Variants in IL2RB observed in about 807,000 individuals in gnomAD.
IL2RB encodes interleukin 2 receptor subunit beta, also known as interleukin-2 receptor subunit beta.
IL2RB carries 17 observed loss-of-function variants against 44.2 expected under a neutral mutation model. The ratio of observed to expected loss-of-function variants is 0.38; its 90% CI spans 0.26 to 0.58. The LOEUF (loss-of-function observed/expected upper bound fraction) is 0.58. Ranked by LOEUF, IL2RB falls within the 20% of genes least tolerant of loss-of-function variation. IL2RB has a pLI of 0.63. For synonymous variants in IL2RB, 286 were observed against 297.9 expected, an observed-to-expected ratio of 0.96 and a Z score of 0.41; for missense variants, 624 against 685.5, an observed-to-expected ratio of 0.91 and a Z score of 1.00.
At chr22:37,139,943 G>T (rs1921884773) in intron 4 of IL2RB, among the ~76,000 whole-genome samples, 1 of 152,244 alleles carries the variant, frequency 6.6e-6, no homozygotes, top group Non-Finnish European at 1.5e-5. Context: ...CCCCTACAGG[G>T]TGACTGCATC....
chr22:37,137,229 T>C (rs1206265741), intron 6 of IL2RB, among the ~76,000 whole-genome samples: 1 of 152,200 alleles, frequency 6.6e-6, no homozygotes, highest in Admixed American at 6.5e-5. Context: ...TGTAAGTGAA[T>C]GAATAAGCAA....
chr22:37,149,061 C>T (rs1233294263), intron 1 of IL2RB, among the ~76,000 whole-genome samples: 1 of 152,112 alleles, frequency 6.6e-6, no homozygotes, highest in Non-Finnish European at 1.5e-5. Context: ...GGAAGGGGAC[C>T]CTTGGGGATA....
At chr22:37,155,122 AG>A (rs1922633488) in intron 1 of IL2RB, among the ~76,000 whole-genome samples, 1 of 152,064 alleles carries the variant, frequency 6.6e-6, no homozygotes, top group African/African-American at 2.4e-5. Context: ...CCAGGTGAGG[AG>A]GGGTGAGACA....
chr22:37,149,385 C>G (rs1335130064), intron 1 of IL2RB, among the ~76,000 whole-genome samples: 3 of 152,214 alleles, frequency 2.0e-5, no homozygotes, highest in Non-Finnish European at 4.4e-5. Flanking sequence ...GATGAGCACG[C>G]AACACAGGGC....
Position 37,139,326 on chromosome 22 carries a change from C to T in IL2RB, c.283-104G>A, listed in dbSNP as rs1038375570. 8.3e-6 allele frequency: 6 copies of T among 727,212 alleles called. No individual in the cohort carries two copies. The African/African-American group carries it at 8.8e-5, about 11-fold the overall frequency. The allele number at this position is 727,212 out of a possible 1,614,324, so 45.0% of individuals were successfully genotyped here. ...GAAGGATGGCAGCCTCTCCACATGC[C>T]CCGCCACCCAAGGCAGGGGCAGCAA... On this transcript the variant is annotated intron_variant, in intron 4 of 9. Transcript: ENST00000216223.
intron 8 of IL2RB, among the ~76,000 whole-genome samples, chr22:37,132,989 C>T (rs575578836): frequency 1.3e-3 from 199 of 152,274 alleles, no homozygotes; most frequent in African/African-American, 4.3e-3. Flanking sequence ...GAATTCCAGC[C>T]CATGTTCTGC....
chr22:37,174,385 G>T (rs986641344), intron 1 of IL2RB, among the ~76,000 whole-genome samples: 2 of 152,138 alleles, frequency 1.3e-5, no homozygotes, highest in African/African-American at 2.4e-5. Context: ...CAGGAATTGG[G>T]CCAGCTGAAA....
intron 1 of IL2RB, among the ~76,000 whole-genome samples, chr22:37,165,706 A>ATTTT (rs543577073): frequency 0.086 from 13,022 of 150,780 alleles, 868 homozygotes; most frequent in Admixed American, 0.16. Flanking sequence ...AATTTAATTT[A>ATTTT]ATTTTATTAT....
chr22:37,141,671 C>T lies in IL2RB; in HGVS notation c.282+763G>A, dbSNP rs1921974355. On this transcript the variant is annotated intron_variant, in intron 4 of 9. Coordinates refer to ENST00000216223, the MANE Select transcript of IL2RB (RefSeq NM_000878.5). This position sits in a 1 kb window ranked among gnomAD's most constrained non-coding sequence, Gnocchi z 4.4. ...ACTCCAATCTCAGAGCGGGACCAAG[C>T]CCAGGCACTACCACAGCCTGGCACG... 6.6e-6 allele frequency among the ~76,000 whole-genome samples: 1 copy of T among 152,202 alleles called. No homozygotes were observed. Among genetic ancestry groups the T allele is most frequent in the African/African-American group, 2.4e-5 (1 of 41,456 alleles).
At chr22:37,144,470 G>T (rs1205651173) in intron 1 of IL2RB, among the ~76,000 whole-genome samples, 1 of 152,188 alleles carries the variant, frequency 6.6e-6, no homozygotes. Flanking sequence ...TCGTGGCCAG[G>T]CGTGTGGCTC....
At position 37,128,130 on chromosome 22, in the gene IL2RB, T is replaced by A; in HGVS notation, c.1622A>T (p.Glu541Val). The A allele has an allele frequency of 6.3e-7, 1 of 1,578,540 alleles. No homozygotes were observed. Among genetic ancestry groups the A allele is most frequent in the South Asian group, 1.2e-5 (1 of 85,264 alleles). ...GTGAGTTGGGTCCTGACCCTGGAGT[T>A]CTTGGAGGGACAAGTAGGCATCAGT... is the stretch of plus-strand genomic sequence containing the variant. ...LNTDAYLSLQ[E>V]LQGQDPTHLV The change falls in exon 10 of 10, where the codon GAA becomes GTA. Residue 541 changes from glutamate to valine, a missense_variant. Coordinates refer to ENST00000216223, the MANE Select transcript of IL2RB (RefSeq NM_000878.5). This position sits in a 1 kb window ranked among gnomAD's most constrained non-coding sequence, Gnocchi z 4.5.
At chr22:37,174,342 G>A (rs1305967290) in intron 1 of IL2RB, among the ~76,000 whole-genome samples, 1 of 152,150 alleles carries the variant, frequency 6.6e-6, no homozygotes, top group Non-Finnish European at 1.5e-5. Flanking sequence ...ACATTCATAG[G>A]TCACCATGGT....
chr22:37,143,989 T>C (rs949638861), intron 2 of IL2RB, 96 bp downstream of exon 2: 2 of 1,524,298 alleles, frequency 1.3e-6, no homozygotes, highest in East Asian at 2.5e-5. Flanking sequence ...GGACACCTGG[T>C]CTCTGGCCCC....
rs1313831607 is a variant in IL2RB, at chr22:37,132,434, G to A, written c.853C>T (p.Pro285Ser). The A allele has an allele frequency of 6.2e-7, 1 of 1,614,092 alleles. No individual in the cohort carries two copies. The highest frequency in any genetic ancestry group is 1.1e-5 in the South Asian group (1 of 91,048). The change falls in exon 9 of 10, where the codon CCC becomes TCC. Residue 285 changes from proline (P) to serine (S), a missense_variant. Pro to Ser is a moderately conservative substitution (Grantham distance 74). This residue lies in a region of IL2RB where 255 missense variants were observed against 339.9 expected (regional missense o/e 0.75). Coordinates refer to ENST00000216223, the MANE Select transcript of IL2RB (RefSeq NM_000878.5). ...CTCAGCTGGGAAAAGAACTTCGAGGGGTCTGGGGTGTTACACTTCAGGACC... is the reference window on the plus strand; with the variant it reads ...CTCAGCTGGGAAAAGAACTTCGAGGAGTCTGGGGTGTTACACTTCAGGACC... ...KKVLKCNTPD[P>S]SKFFSQLSSE...
chr22:37,128,364 ACT>A lies in IL2RB; in HGVS notation c.1386_1387del (p.Arg462SerfsTer28), dbSNP rs751807719. The A allele has an allele frequency of 2.0e-6, 3 of 1,504,452 alleles. No homozygotes were observed. Among genetic ancestry groups the A allele is most frequent in the South Asian group, 1.4e-5 (1 of 73,070 alleles). 93.2% of individuals were successfully genotyped at this position (1,504,452 alleles called of 1,614,324 possible). On this transcript the variant is annotated frameshift_variant, in exon 10 of 10. Transcript: ENST00000216223. LOFTEE classifies it low-confidence loss of function (END_TRUNC). The surrounding 1 kb of genome is among the most constrained non-coding windows in gnomAD (Gnocchi z 4.5). The stretch of plus-strand genomic sequence containing the variant: ...GGGCTGGGGGTCCCAGTCTCTGGGG[ACT>A]CTTTCTTGCAAAGAAGGGGGCATCC...
chr22:37,150,355 C>T (rs766280051), upstream of IL2RB, among the ~76,000 whole-genome samples: 25 of 152,156 alleles, frequency 1.6e-4, no homozygotes, highest in Non-Finnish European at 5.9e-5. Context: ...CTGCAACACA[C>T]CATCTTTCCG....
At chr22:37,149,800 C>T (rs1306252033) in intron 1 of IL2RB, 25 bp downstream of exon 1, 10 of 973,078 alleles carry the variant, frequency 1.0e-5, no homozygotes, top group African/African-American at 3.5e-5. Context: ...CCACAGGGGC[C>T]GGGAGGGAGG....
intron 1 of IL2RB, among the ~76,000 whole-genome samples, chr22:37,148,810 G>A (rs1373486793): frequency 6.6e-6 from 1 of 152,140 alleles, no homozygotes; most frequent in Non-Finnish European, 1.5e-5. Flanking sequence ...CTGGTCAGGT[G>A]CAGTTCGGGG....
At position 37,136,390 on chromosome 22, in the gene IL2RB, C is replaced by T; in HGVS notation, c.541G>A (p.Ala181Thr). The change falls in exon 7 of 10, where the codon GCC becomes ACC. Residue 181 changes from alanine (A) to threonine (T), a missense_variant. This residue lies in a region of IL2RB where 255 missense variants were observed against 339.9 expected (regional missense o/e 0.75). Transcript: ENST00000216223. Reference protein sequence around the residue: ...TLSPGHTWEEAPLLTLKQKQE... With the variant: ...TLSPGHTWEETPLLTLKQKQE... ...TTCTGCTTGAGAGTCAGCAGGGGGG[C>T]CTCCTGGGTCGGAGACAGGACTGTC... 1 of 1,607,864 alleles carries T rather than the reference C, an allele frequency of 6.2e-7. No homozygotes were observed.
Sources: allele counts gnomAD v4.1 joint callset (sites outside exome capture counted in the v4.1 genomes callset), GRCh38; gene constraint gnomAD v4.1.1; regional missense constraint gnomAD v4.1.1; non-coding constraint Gnocchi (gnomAD v3.1); transcripts MANE v1.5; gene names NCBI Gene and HGNC (gene_info 2026-07-23, HGNC 2026-07-21).